DENND5B: variants seen among roughly 807,000 people sequenced by gnomAD.
DENND5B encodes DENN domain-containing protein 5B.
Under a neutral mutation model 140.6 loss-of-function variants are expected in DENND5B, and 34 were observed. That is an observed-to-expected ratio of 0.24 (90% CI 0.18 to 0.32). The LOEUF is 0.32. DENND5B is among the 10% of genes least tolerant of loss of function. DENND5B has a pLI of 1.00. For missense variants in DENND5B, 1,142 were observed against 1,560.2 expected (o/e 0.73, Z 4.52); for synonymous variants, 551 against 562.1 (o/e 0.98, Z 0.28).
In DENND5B at chr12:31,426,395, TC is replaced by T. The variant is rs1484647427; in HGVS notation, c.2135del (p.Gly712GlufsTer4). 1 of 1,612,448 alleles carries T rather than the reference TC, an allele frequency of 6.2e-7. No individual in the cohort carries two copies. Among genetic ancestry groups the T allele is most frequent in the Non-Finnish European group, 8.5e-7 (1 of 1,179,134 alleles). Reference sequence around the variant, plus strand: ...ACAGTTTGGGTTGCCTCAGGTTTTTTCCTAAACTTCGTGCCTCTTGCATATA... The same window carrying T: ...ACAGTTTGGGTTGCCTCAGGTTTTTTCTAAACTTCGTGCCTCTTGCATATA... ...EKYMQEARSL[G>X]KNLRQPKLSD... On this transcript the variant is annotated frameshift_variant, in exon 9 of 21. Coordinates refer to ENST00000389082, the MANE Select transcript of DENND5B (RefSeq NM_144973.4). LOFTEE classifies it high-confidence loss of function.
At chr12:31,536,502 C>CA (rs1234613385) in intron 1 of DENND5B, among the ~76,000 whole-genome samples, 1 of 151,650 alleles carries the variant, frequency 6.6e-6, no homozygotes, top group Non-Finnish European at 1.5e-5. Context: ...AGCCTGAAGA[C>CA]AGACTATTTG....
At chr12:31,455,997 C>T (rs1427325781) in intron 4 of DENND5B, among the ~76,000 whole-genome samples, 5 of 151,640 alleles carry the variant, frequency 3.3e-5, no homozygotes, top group African/African-American at 1.2e-4. Flanking sequence ...CCAGCCCAGG[C>T]GACAGAGTGA....
At chr12:31,405,359 G>C (rs35692484) in intron 14 of DENND5B, among the ~76,000 whole-genome samples, 169 of 151,948 alleles carry the variant, frequency 1.1e-3, no homozygotes, top group African/African-American at 3.6e-3. Flanking sequence ...TGGGACCAGA[G>C]GTGTGCACCA....
rs112079035 is a variant in DENND5B, at chr12:31,426,289, A to G, written c.2238+4T>C. 3.1e-6 allele frequency: 5 copies of G among 1,605,874 alleles called. No individual in the cohort carries two copies. The highest frequency in any genetic ancestry group is 4.3e-6 in the Non-Finnish European group (5 of 1,176,076). ...ACTGTCTGGCATCAGTGAATAATAC[A>G]TACCTTCATTCTACATTCTTTTAAT... is the stretch of plus-strand genomic sequence containing the variant. On this transcript the variant is annotated splice_donor_region_variant and intron_variant, in intron 9 of 20. Transcript: ENST00000389082.
intron 17 of DENND5B, among the ~76,000 whole-genome samples, chr12:31,393,314 A>G (rs1941250309): frequency 6.6e-6 from 1 of 152,166 alleles, no homozygotes; most frequent in South Asian, 2.1e-4. Context: ...TGTTTAAAAT[A>G]AGGGGAAGAT....
At chr12:31,466,352 C>CA (rs887184804) in intron 3 of DENND5B, among the ~76,000 whole-genome samples, 52 of 142,248 alleles carry the variant, frequency 3.7e-4, no homozygotes, top group African/African-American at 9.3e-4. Flanking sequence ...ACTCCATCTC[C>CA]AAAAAAAAAA....
intron 1 of DENND5B, among the ~76,000 whole-genome samples, chr12:31,500,122 GA>G (rs1227117772): frequency 6.6e-6 from 1 of 152,156 alleles, no homozygotes; most frequent in Non-Finnish European, 1.5e-5. Flanking sequence ...TCCTTAATTA[GA>G]AAATTGGAAT....
chr12:31,566,230 G>A (rs1949623968), intron 1 of DENND5B, among the ~76,000 whole-genome samples: 2 of 152,218 alleles, frequency 1.3e-5, no homozygotes, highest in South Asian at 4.2e-4. Context: ...TGAGGCAGGA[G>A]GATTGCTTGA....
chr12:31,466,971 G>A (rs1444304803), intron 3 of DENND5B, among the ~76,000 whole-genome samples: 2 of 151,980 alleles, frequency 1.3e-5, no homozygotes, highest in African/African-American at 4.8e-5. Context: ...GTAACAATGA[G>A]AGTCATTCAT....
chr12:31,518,829 C>T lies in DENND5B; in HGVS notation c.128-22910G>A, dbSNP rs530769606. Among the ~76,000 whole-genome samples, 5 of 152,240 alleles carry T rather than the reference C, an allele frequency of 3.3e-5. No individual in the cohort carries two copies. In the East Asian group the frequency reaches 9.7e-4, roughly 29 times the overall value. On this transcript the variant is annotated intron_variant, in intron 1 of 20. Transcript: ENST00000389082. ...ATGGTCCTAGTTTGACAGACTCTAGCTGCAGCAACTGCAGCTGGCCTATAT... is the reference window on the plus strand; with the variant it reads ...ATGGTCCTAGTTTGACAGACTCTAGTTGCAGCAACTGCAGCTGGCCTATAT...
At chr12:31,547,798 G>A (rs922358488) in intron 1 of DENND5B, among the ~76,000 whole-genome samples, 2 of 151,810 alleles carry the variant, frequency 1.3e-5, no homozygotes, top group African/African-American at 4.8e-5. Context: ...CTCTACCACC[G>A]GGTTCAAGCA....
chr12:31,574,154 T>C (rs1426426102), intron 1 of DENND5B, among the ~76,000 whole-genome samples: 1 of 150,456 alleles, frequency 6.6e-6, no homozygotes, highest in Non-Finnish European at 1.5e-5. Context: ...TCCCAGCTAC[T>C]CGGAAGGCTG....
chr12:31,451,142 T>C (rs550303847), intron 5 of DENND5B, among the ~76,000 whole-genome samples: 1 of 152,306 alleles, frequency 6.6e-6, no homozygotes, highest in East Asian at 1.9e-4. Context: ...TGTGACTTCC[T>C]GATAGGATAA....
chr12:31,469,504 T>C (rs1030321021), intron 3 of DENND5B, among the ~76,000 whole-genome samples: 5 of 152,226 alleles, frequency 3.3e-5, no homozygotes, highest in Non-Finnish European at 7.3e-5. Flanking sequence ...GTATCCTTTA[T>C]AATAAACCAG....
At chr12:31,472,519 T>C (rs1041478563) in intron 3 of DENND5B, among the ~76,000 whole-genome samples, 8 of 152,242 alleles carry the variant, frequency 5.3e-5, no homozygotes, top group African/African-American at 1.9e-4. Context: ...CTCAAACTCC[T>C]GAACTCAGGT....
intron 14 of DENND5B, among the ~76,000 whole-genome samples, chr12:31,403,466 G>A (rs913056381): frequency 8.0e-5 from 12 of 149,990 alleles, no homozygotes; most frequent in South Asian, 6.3e-4. Context: ...GGTGGCAGGC[G>A]CCTGAAATCC....
At chr12:31,543,077 T>C (rs971148904) in intron 1 of DENND5B, among the ~76,000 whole-genome samples, 1 of 152,144 alleles carries the variant, frequency 6.6e-6, no homozygotes, top group African/African-American at 2.4e-5. Flanking sequence ...CCCATGCCTG[T>C]AGTCCCAACT....
At chr12:31,440,747 C>T (rs1302662929) in intron 7 of DENND5B, among the ~76,000 whole-genome samples, 2 of 152,126 alleles carry the variant, frequency 1.3e-5, no homozygotes, top group African/African-American at 4.8e-5. Context: ...TCACTGCAGC[C>T]TAGACCTCTC....
rs114438957 is a variant in DENND5B at position 31,480,634 on chromosome 12, A to G, written c.238-379T>C. On this transcript the variant is annotated intron_variant, in intron 2 of 20. Transcript: ENST00000389082. ...AATAGTTGCTGTATCAACGACTTGAAGACAGAGTAGGCAAAAGCATTTCAC... is the reference window on the plus strand; with the variant it reads ...AATAGTTGCTGTATCAACGACTTGAGGACAGAGTAGGCAAAAGCATTTCAC... 2.6e-4 allele frequency among the ~76,000 whole-genome samples: 40 copies of G among 152,350 alleles called. 1 individual carries two copies. The highest frequency in any genetic ancestry group is 9.6e-4 in the African/African-American group (40 of 41,594).
Sources: gnomAD v4.1 joint callset for allele counts (sites outside exome capture counted in the v4.1 genomes callset) on GRCh38, gnomAD v4.1.1 for gene constraint, MANE v1.5 for transcripts, NCBI Gene and HGNC (gene_info 2026-07-23, HGNC 2026-07-21) for gene names.